The following SDC3 variants were observed in gnomAD, a reference collection of about 807,000 sequenced individuals.
SDC3 encodes syndecan-3.
Under a neutral mutation model 24.4 loss-of-function variants are expected in SDC3, and 13 were observed. That is an observed-to-expected ratio of 0.53 (90% confidence interval 0.35 to 0.85). SDC3 has a LOEUF of 0.85. SDC3 is among the 40% of genes least tolerant of loss of function. The pLI, the probability that SDC3 is intolerant of heterozygous loss-of-function variation, is 0.01. For synonymous variants in SDC3, 295 were observed against 260.9 expected (o/e 1.13, Z -1.26); for missense variants, 571 against 584.5 (o/e 0.98, Z 0.24).
intron 1 of SDC3, among the ~76,000 whole-genome samples, chr1:30,889,407 G>T (rs964107232): frequency 6.6e-6 from 1 of 152,110 alleles, no homozygotes; most frequent in Non-Finnish European, 1.5e-5. Context: ...TGGTCAGCAC[G>T]TACAAATTCC....
At chr1:30,887,002 G>T (rs949651149) in intron 1 of SDC3, among the ~76,000 whole-genome samples, 1 of 152,136 alleles carries the variant, frequency 6.6e-6, no homozygotes. Flanking sequence ...GAGCACACCT[G>T]CTCCTAGCCC....
At chr1:30,896,269 G>A (rs1472235415) in intron 1 of SDC3, among the ~76,000 whole-genome samples, 2 of 152,210 alleles carry the variant, frequency 1.3e-5, no homozygotes, top group Non-Finnish European at 2.9e-5. Flanking sequence ...GGGTTGGAGG[G>A]GAGATGATGT....
At chr1:30,880,290 G>A (rs1639723350) in intron 1 of SDC3, among the ~76,000 whole-genome samples, 1 of 149,314 alleles carries the variant, frequency 6.7e-6, no homozygotes, top group Admixed American at 6.7e-5. Context: ...CTGAGAGGAT[G>A]ACAGGGAAGG....
At chr1:30,903,457 A>C (rs973930693) in intron 1 of SDC3, among the ~76,000 whole-genome samples, 6 of 152,098 alleles carry the variant, frequency 3.9e-5, no homozygotes, top group African/African-American at 9.7e-5. Context: ...ACGCACACAC[A>C]ATCTTGCTGA....
At chr1:30,877,299 T>C in intron 2 of SDC3, 134 bp from the exon 3 acceptor site, 1 of 1,218,072 alleles carries the variant, frequency 8.2e-7, no homozygotes, top group African/African-American at 1.5e-5. Context: ...CCAGAAAAGA[T>C]GAGAGAAAGG....
At chr1:30,898,581 G>A (rs1638334621) in intron 1 of SDC3, among the ~76,000 whole-genome samples, 1 of 152,112 alleles carries the variant, frequency 6.6e-6, no homozygotes, top group Non-Finnish European at 1.5e-5. Flanking sequence ...GAGGGTGGTG[G>A]TGCCCAGCGT....
chr1:30,895,261 C>A (rs1325976752), intron 1 of SDC3, among the ~76,000 whole-genome samples: 1 of 152,208 alleles, frequency 6.6e-6, no homozygotes, highest in African/African-American at 2.4e-5. Context: ...CTAACCCAAA[C>A]TAACGTCCTA....
chr1:30,886,859 G>A (rs1389232632), intron 1 of SDC3, among the ~76,000 whole-genome samples: 1 of 152,170 alleles, frequency 6.6e-6, no homozygotes, highest in Non-Finnish European at 1.5e-5. Flanking sequence ...GAAAGGGATT[G>A]CCATTCCCAT....
In SDC3 at chr1:30,883,972, G is replaced by A. The variant is rs116300200; in HGVS notation, c.139-5232C>T. ...CCCTCACGCTCACCAGATCCACCCC[G>A]GAGACCCAGAGCATCACCGCAGGAA... On this transcript the variant is annotated intron_variant, in intron 1 of 4. Transcript: ENST00000339394. 8.0e-3 allele frequency among the ~76,000 whole-genome samples: 1,211 copies of A among 152,214 alleles called. 13 individuals are homozygous for A. The highest frequency in any genetic ancestry group is 0.011 in the Non-Finnish European group (760 of 68,002).
chr1:30,894,611 G>A (rs1168032861), intron 1 of SDC3, among the ~76,000 whole-genome samples: 2 of 137,430 alleles, frequency 1.5e-5, no homozygotes, highest in East Asian at 5.0e-4. Flanking sequence ...GTGTGTGGAT[G>A]AGTGTGAGTG....
chr1:30,874,635 T>G, intron 3 of SDC3, 47 bp from the exon 4 acceptor site: 2 of 1,560,410 alleles, frequency 1.3e-6, no homozygotes, highest in Non-Finnish European at 1.8e-6. Context: ...CATGCATGCA[T>G]AACCCCCCAC....
At chr1:30,903,929 A>G (rs1239552096) in intron 1 of SDC3, among the ~76,000 whole-genome samples, 1 of 151,954 alleles carries the variant, frequency 6.6e-6, no homozygotes, top group Non-Finnish European at 1.5e-5. Context: ...CTCCTCTGTA[A>G]AATGGGGGTT....
intron 2 of SDC3, 98 bp from the exon 3 acceptor site, chr1:30,877,263 C>A (rs1419469584): frequency 1.4e-6 from 2 of 1,479,872 alleles, no homozygotes; most frequent in East Asian, 2.4e-5. Context: ...TTAGGTCTCC[C>A]AACCCCCTCT....
rs1166528907 is a variant in SDC3, at chr1:30,874,472, T to C, written c.987A>G (p.Thr329=). The C allele has an allele frequency of 6.2e-7, 1 of 1,614,168 alleles. No individual in the cohort carries two copies. The highest frequency in any genetic ancestry group is 1.7e-5 in the Admixed American group (1 of 60,024). Residue 329 remains threonine, a synonymous_variant, in exon 4 of 5, where the codon ACA becomes ACG. Coordinates refer to ENST00000339394, the MANE Select transcript of SDC3 (RefSeq NM_014654.4). ...CTCCCACAGCTACCACCTCATTGGC[T>C]GTGTCTGGTTGTGTGGTCTCTTCTT... ...LPEEETTQPD[T]ANEVVAVGGA... is the part of the protein sequence containing the mutation.
At chr1:30,898,716 C>T (rs1012674424) in intron 1 of SDC3, among the ~76,000 whole-genome samples, 1 of 152,206 alleles carries the variant, frequency 6.6e-6, no homozygotes, top group Admixed American at 6.5e-5. Context: ...CCCACTAAGC[C>T]AACTCTAGGT....
chr1:30,887,756 A>T lies in SDC3; in HGVS notation c.139-9016T>A, dbSNP rs183404103. 1.6e-3 allele frequency among the ~76,000 whole-genome samples: 251 copies of T among 152,322 alleles called. 3 individuals carry two copies. Among genetic ancestry groups the T allele is most frequent in the Non-Finnish European group, 9.8e-4 (67 of 68,024 alleles). On this transcript the variant is annotated intron_variant, in intron 1 of 4. Transcript: ENST00000339394. ...TGCTTCTGGAACACAGTCAGCCTCCATCAGTCTTTGTTCAGTGAATACTGT... is the reference window on the plus strand; with the variant it reads ...TGCTTCTGGAACACAGTCAGCCTCCTTCAGTCTTTGTTCAGTGAATACTGT...
At chr1:30,880,978 C>T (rs1015550105) in intron 1 of SDC3, among the ~76,000 whole-genome samples, 7 of 150,948 alleles carry the variant, frequency 4.6e-5, no homozygotes, top group Non-Finnish European at 7.4e-5. Flanking sequence ...CACAACCCCC[C>T]CATGCCTGAT....
At chr1:30,889,306 C>T (rs1639873046) in intron 1 of SDC3, among the ~76,000 whole-genome samples, 1 of 152,206 alleles carries the variant, frequency 6.6e-6, no homozygotes, top group African/African-American at 2.4e-5. Flanking sequence ...AGCTGCTTGG[C>T]TTGAGCCTCA....
rs141616997 is a variant in SDC3, at chr1:30,874,528, C to G, written c.931G>C (p.Gly311Arg). Residue 311 changes from glycine to arginine, a missense_variant, in exon 4 of 5, where the codon GGG becomes CGG. This residue lies in a region of SDC3 where 497 missense variants were observed against 471.6 expected (regional missense o/e 1.05). Coordinates refer to ENST00000339394, the MANE Select transcript of SDC3 (RefSeq NM_014654.4). ...AGCTCGAAGTCTCCACTGGGCCCCC[C>G]ACTCACCGGAACCTCTGGCTCATCC... ...IRDEPEVPVS[G>R]GPSGDFELPE... 2.0e-5 allele frequency: 32 copies of G among 1,614,160 alleles called. No homozygotes were observed. In the East Asian group the frequency reaches 7.1e-4, roughly 36 times the overall value.
Sources: allele counts gnomAD v4.1 joint callset (sites outside exome capture counted in the v4.1 genomes callset), GRCh38; gene constraint gnomAD v4.1.1; regional missense constraint gnomAD v4.1.1; transcripts MANE v1.5; gene names NCBI Gene and HGNC (gene_info 2026-07-23, HGNC 2026-07-21).